TMEM132C: variants seen among roughly 807,000 people sequenced by gnomAD.
TMEM132C encodes protein phosphatase 1, regulatory subunit 152.
In TMEM132C, 29 loss-of-function variants were observed where a neutral mutation model predicts 61.4. The observed-to-expected ratio is 0.47, with a 90% confidence interval of 0.35 to 0.64. TMEM132C has a LOEUF of 0.64. Ranked by LOEUF, TMEM132C falls within the 30% of genes least tolerant of loss-of-function variation. The pLI is 0.00. For synonymous variants in TMEM132C, 656 were observed against 633.1 expected (o/e 1.04, Z -0.54); for missense variants, 1,408 against 1,476.9 (o/e 0.95, Z 0.76).
At chr12:128,586,906 C>T (rs963887577) in intron 3 of TMEM132C, among the ~76,000 whole-genome samples, 9 of 152,204 alleles carry the variant, frequency 5.9e-5, no homozygotes, top group African/African-American at 9.6e-5. Flanking sequence ...TCTCCTCTGG[C>T]GGTGCAGAGG....
intron 2 of TMEM132C, among the ~76,000 whole-genome samples, chr12:128,526,566 CA>C (rs1451664734): frequency 1.3e-5 from 2 of 152,124 alleles, no homozygotes; most frequent in Admixed American, 6.5e-5. Flanking sequence ...CATCCTTCCG[CA>C]GATGAAGTTT....
chr12:128,442,022 T>A (rs1869813548), intron 2 of TMEM132C, among the ~76,000 whole-genome samples: 2 of 151,970 alleles, frequency 1.3e-5, no homozygotes, highest in African/African-American at 4.8e-5. Context: ...TAAATTAAAA[T>A]TAAAAAATTA....
At chr12:128,405,306 G>A (rs1467395691) in intron 1 of TMEM132C, among the ~76,000 whole-genome samples, 1 of 152,188 alleles carries the variant, frequency 6.6e-6, no homozygotes, top group African/African-American at 2.4e-5. Flanking sequence ...GGCTTCCCAA[G>A]ATGAGAGGTA....
chr12:128,554,412 C>T (rs1321070431), intron 3 of TMEM132C, among the ~76,000 whole-genome samples: 1 of 152,212 alleles, frequency 6.6e-6, no homozygotes, highest in Non-Finnish European at 1.5e-5. Context: ...GTTGCCAGAT[C>T]TCTGGATTTT....
intron 4 of TMEM132C, among the ~76,000 whole-genome samples, chr12:128,629,626 C>T (rs114048564): frequency 0.023 from 3,488 of 152,162 alleles, 119 homozygotes; most frequent in African/African-American, 0.08. Flanking sequence ...CCCTGCAGGT[C>T]CAACAGTCCC....
chr12:128,705,275 C>G lies in TMEM132C; in HGVS notation c.2307C>G (p.Ile769Met), dbSNP rs765102250. 1.7e-5 allele frequency: 26 copies of G among 1,551,504 alleles called. No individual in the cohort carries two copies. The highest frequency in any genetic ancestry group is 8.7e-7 in the Non-Finnish European group (1 of 1,146,990). Residue 769 changes from isoleucine (I) to methionine (M), a missense_variant, in exon 9 of 9, where the codon ATC becomes ATG. Physicochemically the swap from Ile to Met is conservative, Grantham distance 10. Transcript: ENST00000435159. ...AAGGGGAAGGCCAGGGCCCACTGAT[C>G]CGAGTGGACATGACGATCGCCGAGG... The part of the protein sequence containing the change: ...VAEGEGQGPL[I>M]RVDMTIAEAC...
intron 1 of TMEM132C, among the ~76,000 whole-genome samples, chr12:128,413,103 C>G (rs1476041900): frequency 6.6e-6 from 1 of 151,958 alleles, no homozygotes; most frequent in South Asian, 2.1e-4. Flanking sequence ...TCTAGACCCT[C>G]CTGGCTAACA....
At position 128,513,881 on chromosome 12, in the gene TMEM132C, A is replaced by G. The variant is rs536450533; in HGVS notation, c.975-30076A>G. ...CCTCCTTGCAGCTGACCAAAAAGTG[A>G]TCAAGACGGAGCCTGTTCCAAGGAC... On this transcript the variant is annotated intron_variant, in intron 2 of 8. Coordinates refer to ENST00000435159, the MANE Select transcript of TMEM132C (RefSeq NM_001136103.3). 7.2e-5 allele frequency among the ~76,000 whole-genome samples: 11 copies of G among 152,320 alleles called. No homozygotes were observed. The East Asian group carries it at 2.1e-3, about 29-fold the overall frequency.
chr12:128,389,479 C>T (rs543337105), intron 1 of TMEM132C, among the ~76,000 whole-genome samples: 1 of 152,282 alleles, frequency 6.6e-6, no homozygotes, highest in Non-Finnish European at 1.5e-5. Context: ...CCACCCAACA[C>T]CGCATGCCTG....
chr12:128,613,722 G>A (rs976524674), intron 3 of TMEM132C, among the ~76,000 whole-genome samples: 3 of 152,096 alleles, frequency 2.0e-5, no homozygotes, highest in Non-Finnish European at 4.4e-5. Flanking sequence ...TAACCTTCCC[G>A]TTATATCCTT....
At chr12:128,378,667 G>T (rs905779594) in intron 1 of TMEM132C, among the ~76,000 whole-genome samples, 1 of 152,144 alleles carries the variant, frequency 6.6e-6, no homozygotes, top group African/African-American at 2.4e-5. Context: ...CAGTGAGTAG[G>T]GTGACGGTCA....
intron 4 of TMEM132C, among the ~76,000 whole-genome samples, chr12:128,658,474 C>T (rs962028913): frequency 6.6e-6 from 1 of 152,206 alleles, no homozygotes; most frequent in Non-Finnish European, 1.5e-5. Flanking sequence ...GTTTCCCCAA[C>T]CAACTGCGCT....
intron 2 of TMEM132C, among the ~76,000 whole-genome samples, chr12:128,509,362 A>C (rs1419737255): frequency 7.9e-5 from 12 of 152,188 alleles, no homozygotes; most frequent in Admixed American, 2.6e-4. Flanking sequence ...GGCAGGGGTC[A>C]CATTCTTTGG....
Position 128,656,245 on chromosome 12 carries a change from T to A in TMEM132C, c.1306-13172T>A, listed in dbSNP as rs1038805614. On this transcript the variant is annotated intron_variant, in intron 4 of 8. Transcript: ENST00000435159. ...TTTATATTTTTAGTAGAGACAGGGT[T>A]TCACCATGTTGGCCAGGCTGGTCTC... Among the ~76,000 whole-genome samples the A allele has an allele frequency of 2.0e-4, 30 of 152,150 alleles. 1 individual carries two copies. The highest frequency in any genetic ancestry group is 1.3e-4 in the Admixed American group (2 of 15,278).
intron 4 of TMEM132C, among the ~76,000 whole-genome samples, chr12:128,637,757 T>C (rs1593128827): frequency 2.0e-5 from 3 of 152,240 alleles, no homozygotes; most frequent in Admixed American, 6.5e-5. Flanking sequence ...GCAGATAAAA[T>C]GAGGCCTGCT....
chr12:128,486,217 A>G (rs546238486), intron 2 of TMEM132C, among the ~76,000 whole-genome samples: 3 of 152,276 alleles, frequency 2.0e-5, no homozygotes, highest in African/African-American at 7.2e-5. Flanking sequence ...CTTACATCGA[A>G]GTATTACTGT....
At chr12:128,380,024 G>A (rs1390887790) in intron 1 of TMEM132C, among the ~76,000 whole-genome samples, 1 of 152,244 alleles carries the variant, frequency 6.6e-6, no homozygotes, top group Admixed American at 6.5e-5. Flanking sequence ...CTTTCAGCAA[G>A]AGCTTAATCT....
chr12:128,605,411 T>G (rs910727372), intron 3 of TMEM132C, among the ~76,000 whole-genome samples: 6 of 152,310 alleles, frequency 3.9e-5, no homozygotes, highest in African/African-American at 1.4e-4. Context: ...GTTGATTGGA[T>G]GACATTCACC....
intron 1 of TMEM132C, among the ~76,000 whole-genome samples, chr12:128,373,675 G>T (rs1490265900): frequency 6.6e-6 from 1 of 152,180 alleles, no homozygotes; most frequent in Non-Finnish European, 1.5e-5. Context: ...GTTGTTGACT[G>T]CTAAGCCAGA....
Sources: gnomAD v4.1 joint callset for allele counts (sites outside exome capture counted in the v4.1 genomes callset) on GRCh38, gnomAD v4.1.1 for gene constraint, MANE v1.5 for transcripts, NCBI Gene and HGNC (gene_info 2026-07-23, HGNC 2026-07-21) for gene names.